Variants in DPYD observed in about 807,000 individuals in gnomAD.
DPYD encodes the protein dihydropyrimidine dehydrogenase [NADP(+)].
DPYD carries 109 observed loss-of-function variants against 116.2 expected under a neutral mutation model. The observed-to-expected ratio is 0.94, with a 90% CI of 0.80 to 1.10. The LOEUF (loss-of-function observed/expected upper bound fraction) is 1.10, where lower values mean the gene tolerates loss of function less well. DPYD is among the 50% of genes least tolerant of loss of function. DPYD has a pLI of 0.00. For synonymous variants in DPYD, 440 were observed against 432.0 expected (o/e 1.02, Z -0.23); for missense variants, 1,302 against 1,254.5 (o/e 1.04, Z -0.57).
intron 13 of DPYD, among the ~76,000 whole-genome samples, chr1:97,492,201 G>A (rs1021680101): frequency 6.6e-6 from 1 of 152,080 alleles, no homozygotes. Context: ...AATAGGGCTT[G>A]GACTTGTGGA....
intron 13 of DPYD, among the ~76,000 whole-genome samples, chr1:97,473,383 A>G (rs1483920933): frequency 6.6e-6 from 1 of 152,174 alleles, no homozygotes; most frequent in Non-Finnish European, 1.5e-5. Context: ...TCATTCATCA[A>G]TGGACACTTA....
At chr1:97,839,542 C>T (rs1669941464) in intron 2 of DPYD, among the ~76,000 whole-genome samples, 1 of 152,018 alleles carries the variant, frequency 6.6e-6, no homozygotes, top group Admixed American at 6.6e-5. Flanking sequence ...GATCTACCAC[C>T]AGGTCAATAA....
chr1:97,633,780 C>T (rs1657409190), intron 8 of DPYD, among the ~76,000 whole-genome samples: 1 of 151,982 alleles, frequency 6.6e-6, no homozygotes, highest in Non-Finnish European at 1.5e-5. Flanking sequence ...GGGCATTAGG[C>T]TTCAAGGGAT....
chr1:97,099,887 C>T (rs1279753807), intron 20 of DPYD, among the ~76,000 whole-genome samples: 1 of 152,088 alleles, frequency 6.6e-6, no homozygotes, highest in Non-Finnish European at 1.5e-5. Flanking sequence ...CAAACTGCAA[C>T]TGTAATTCAT....
chr1:97,372,926 A>G (rs1330002786), intron 16 of DPYD, among the ~76,000 whole-genome samples: 1 of 152,218 alleles, frequency 6.6e-6, no homozygotes, highest in African/African-American at 2.4e-5. Context: ...CCTTTTTAGC[A>G]TTAAGTTTTT....
At chr1:97,638,714 G>T (rs1024518768) in intron 8 of DPYD, among the ~76,000 whole-genome samples, 5 of 152,108 alleles carry the variant, frequency 3.3e-5, no homozygotes, top group Non-Finnish European at 7.4e-5. Context: ...GCAGAAGGGA[G>T]GGGGAGCTGG....
chr1:97,800,407 G>A (rs891968896), intron 3 of DPYD, among the ~76,000 whole-genome samples: 6 of 151,790 alleles, frequency 4.0e-5, no homozygotes, highest in Admixed American at 1.3e-4. Context: ...AAATATCCAT[G>A]TCCACGGTGA....
At chr1:97,390,122 C>T (rs2101598183) in intron 14 of DPYD, among the ~76,000 whole-genome samples, 1 of 152,184 alleles carries the variant, frequency 6.6e-6, no homozygotes, top group East Asian at 1.9e-4. Context: ...TTCCCATTGA[C>T]TTCAGGTCTA....
intron 20 of DPYD, among the ~76,000 whole-genome samples, chr1:97,105,849 A>C (rs1651098107): frequency 6.6e-6 from 1 of 152,144 alleles, no homozygotes; most frequent in Admixed American, 6.6e-5. Context: ...AAAAATTCTG[A>C]AAGGGGAAAG....
chr1:97,184,219 A>G (rs1242402601), intron 20 of DPYD, among the ~76,000 whole-genome samples: 1 of 152,160 alleles, frequency 6.6e-6, no homozygotes, highest in African/African-American at 2.4e-5. Flanking sequence ...TAGTGCTGCA[A>G]TAAACATATG....
At chr1:97,495,788 C>T (rs981739546) in intron 13 of DPYD, among the ~76,000 whole-genome samples, 1 of 151,866 alleles carries the variant, frequency 6.6e-6, no homozygotes, top group Admixed American at 6.6e-5. Context: ...TTTAACTTTT[C>T]CCCTTTCTAT....
At chr1:97,907,816 TA>T (rs999966747) in intron 1 of DPYD, among the ~76,000 whole-genome samples, 13 of 152,130 alleles carry the variant, frequency 8.5e-5, no homozygotes, top group Non-Finnish European at 1.3e-4. Flanking sequence ...GGGCTGCCAT[TA>T]AAAAAATTAC....
chr1:97,146,473 A>G (rs1043484347), intron 20 of DPYD, among the ~76,000 whole-genome samples: 1 of 152,218 alleles, frequency 6.6e-6, no homozygotes, highest in African/African-American at 2.4e-5. Flanking sequence ...AAGGCCATAC[A>G]ATACATCCTG....
intron 20 of DPYD, among the ~76,000 whole-genome samples, chr1:97,161,577 T>A (rs959349164): frequency 3.0e-4 from 45 of 152,062 alleles, no homozygotes; most frequent in Admixed American, 5.9e-4. Flanking sequence ...AATTTAATTT[T>A]ATTATTATTA....
At chr1:97,146,120 C>T (rs1398550470) in intron 20 of DPYD, among the ~76,000 whole-genome samples, 1 of 151,906 alleles carries the variant, frequency 6.6e-6, no homozygotes, top group African/African-American at 2.4e-5. Context: ...GCTTTTTTGT[C>T]TGTCTGTTGA....
chr1:97,505,137 A>T (rs539292576), intron 13 of DPYD, among the ~76,000 whole-genome samples: 1 of 152,058 alleles, frequency 6.6e-6, no homozygotes, highest in African/African-American at 2.4e-5. Flanking sequence ...GTCAGAAAAG[A>T]GAGTTTGTAT....
At chr1:97,780,186 G>A (rs1023053173) in intron 3 of DPYD, among the ~76,000 whole-genome samples, 7 of 152,040 alleles carry the variant, frequency 4.6e-5, no homozygotes, top group Non-Finnish European at 8.8e-5. Flanking sequence ...TGTTCTTTTC[G>A]AATTAAGCAG....
At chr1:97,724,986 A>AGAGAGAGAG (rs3075442) in intron 4 of DPYD, among the ~76,000 whole-genome samples, 21 of 148,916 alleles carry the variant, frequency 1.4e-4, no homozygotes, top group Non-Finnish European at 2.3e-4. Flanking sequence ...AGAGAGAGAG[A>AGAGAGAGAG]AAGTTATCCA....
intron 14 of DPYD, among the ~76,000 whole-genome samples, chr1:97,431,306 T>C (rs1675165717): frequency 6.6e-6 from 1 of 152,140 alleles, no homozygotes; most frequent in African/African-American, 2.4e-5. Flanking sequence ...GAAATGAATA[T>C]TATTGAGGCA....
Sources: allele counts gnomAD v4.1 joint callset (sites outside exome capture counted in the v4.1 genomes callset), GRCh38; gene constraint gnomAD v4.1.1; transcripts MANE v1.5; gene names NCBI Gene and HGNC (gene_info 2026-07-23, HGNC 2026-07-21).